STAU2: variants seen among roughly 807,000 people sequenced by gnomAD.
STAU2 encodes staufen double-stranded RNA binding protein 2.
A neutral mutation model predicts 65.9 loss-of-function variants in STAU2; 20 were observed. The observed-to-expected ratio is 0.30, with a 90% CI of 0.21 to 0.44. The LOEUF (loss-of-function observed/expected upper bound fraction) is 0.44. STAU2 is among the 20% of genes least tolerant of loss of function. STAU2 has a pLI of 1.00. For missense variants in STAU2, 558 were observed against 683.9 expected, an observed-to-expected ratio of 0.82 and a Z score of 2.05; for synonymous variants, 232 against 233.9, an observed-to-expected ratio of 0.99 and a Z score of 0.07.
chr8:73,441,796 A>G (rs987604726), intron 13 of STAU2, among the ~76,000 whole-genome samples: 3 of 152,240 alleles, frequency 2.0e-5, no homozygotes, highest in Admixed American at 6.5e-5. Flanking sequence ...TAGCTGCTGA[A>G]TGTTGGCCGT....
At chr8:73,651,880 ATTGTGGAG>A (rs1331019897) in intron 6 of STAU2, among the ~76,000 whole-genome samples, 1 of 152,234 alleles carries the variant, frequency 6.6e-6, no homozygotes, top group Non-Finnish European at 1.5e-5. Context: ...TTCTGTTTAC[ATTGTGGAG>A]GCACCTCTCA....
intron 13 of STAU2, among the ~76,000 whole-genome samples, chr8:73,520,645 G>C (rs1202549580): frequency 1.3e-5 from 2 of 152,170 alleles, no homozygotes; most frequent in Admixed American, 1.3e-4. Flanking sequence ...AGCTGGAGGG[G>C]TTCCTGGTAC....
intron 10 of STAU2, among the ~76,000 whole-genome samples, chr8:73,597,782 G>T (rs1239482224): frequency 6.6e-6 from 1 of 151,218 alleles, no homozygotes; most frequent in African/African-American, 2.4e-5. Flanking sequence ...TTACCAAATT[G>T]CCACAGAATA....
intron 13 of STAU2, among the ~76,000 whole-genome samples, chr8:73,470,248 C>T (rs902752901): frequency 2.6e-5 from 4 of 152,126 alleles, no homozygotes; most frequent in Non-Finnish European, 4.4e-5. Flanking sequence ...AGGCTTCAGT[C>T]GTGTGGCTAT....
chr8:73,527,849 G>T, intron 13 of STAU2: 1 of 1,245,492 alleles, frequency 8.0e-7, no homozygotes, highest in South Asian at 1.4e-5. Context: ...TTTTCAGAGG[G>T]GACAAGATGC....
intron 10 of STAU2, among the ~76,000 whole-genome samples, chr8:73,597,878 A>G (rs1329378191): frequency 3.3e-5 from 5 of 152,188 alleles, no homozygotes; most frequent in Admixed American, 1.3e-4. Context: ...TCTTCTCCAT[A>G]AAGTTCTACT....
intron 13 of STAU2, among the ~76,000 whole-genome samples, chr8:73,425,359 G>A (rs998778438): frequency 6.6e-6 from 1 of 152,186 alleles, no homozygotes; most frequent in Non-Finnish European, 1.5e-5. Context: ...GGTAGGGGCT[G>A]GAGTGATGCC....
chr8:73,724,353 A>C (rs1054495897), intron 3 of STAU2, among the ~76,000 whole-genome samples: 6 of 152,074 alleles, frequency 3.9e-5, no homozygotes, highest in African/African-American at 1.4e-4. Flanking sequence ...ATCTATCTGT[A>C]TCTATTTGAG....
intron 12 of STAU2, among the ~76,000 whole-genome samples, chr8:73,578,233 T>C (rs777871378): frequency 5.9e-5 from 9 of 152,318 alleles, no homozygotes; most frequent in Admixed American, 3.3e-4. Flanking sequence ...CCGGAGAATA[T>C]TGCAGAAAAA....
At chr8:73,456,875 T>C (rs898400547) in intron 13 of STAU2, among the ~76,000 whole-genome samples, 3 of 152,198 alleles carry the variant, frequency 2.0e-5, no homozygotes, top group Non-Finnish European at 4.4e-5. Context: ...AACATTTTAT[T>C]GAGTAGGGAA....
chr8:73,685,963 A>G (rs980493807), intron 5 of STAU2, among the ~76,000 whole-genome samples: 3 of 152,228 alleles, frequency 2.0e-5, no homozygotes, highest in African/African-American at 7.2e-5. Flanking sequence ...ACCATAGAAT[A>G]CTACTCAGCC....
intron 13 of STAU2, among the ~76,000 whole-genome samples, chr8:73,512,706 A>T (rs10102311): frequency 0.39 from 58,959 of 151,878 alleles, 12,304 homozygotes; most frequent in Non-Finnish European, 0.47. Context: ...GGATCACATC[A>T]TCTGGAAATA....
chr8:73,679,476 A>T (rs1380635382), intron 5 of STAU2, among the ~76,000 whole-genome samples: 1 of 152,208 alleles, frequency 6.6e-6, no homozygotes, highest in Non-Finnish European at 1.5e-5. Flanking sequence ...AGAGGGGGAA[A>T]GTCTGCCTCC....
chr8:73,686,561 AAAC>A, intron 5 of STAU2, among the ~76,000 whole-genome samples: 1 of 151,928 alleles, frequency 6.6e-6, no homozygotes, highest in African/African-American at 2.4e-5. Flanking sequence ...AAAAAAAAAA[AAAC>A]AATGGATTTT....
intron 9 of STAU2, among the ~76,000 whole-genome samples, chr8:73,610,757 A>T (rs1162484612): frequency 6.6e-6 from 1 of 152,228 alleles, no homozygotes; most frequent in Non-Finnish European, 1.5e-5. Flanking sequence ...CGTCTTATAG[A>T]GGAGAATTAC....
At chr8:73,637,519 A>AT (rs1814634073) in intron 6 of STAU2, among the ~76,000 whole-genome samples, 1 of 139,760 alleles carries the variant, frequency 7.2e-6, no homozygotes, top group African/African-American at 2.7e-5. Context: ...AAGAAAAAAA[A>AT]GAAAAACTGT....
At chr8:73,566,155 T>C (rs4500072) in intron 12 of STAU2, among the ~76,000 whole-genome samples, 142,155 of 152,256 alleles carry the variant, frequency 0.93, 66,354 homozygotes, top group Middle Eastern at 0.96. Flanking sequence ...AACTTTTCAT[T>C]TCTTTCAGCC....
intron 9 of STAU2, 151 bp downstream of exon 9, chr8:73,613,593 G>T: frequency 1.9e-6 from 1 of 524,366 alleles, no homozygotes; most frequent in Non-Finnish European, 3.2e-6. Context: ...AAATAGAATT[G>T]TCATTAATTT....
At chr8:73,611,842 C>G (rs1447946665) in intron 9 of STAU2, among the ~76,000 whole-genome samples, 1 of 151,972 alleles carries the variant, frequency 6.6e-6, no homozygotes, top group Non-Finnish European at 1.5e-5. Context: ...CCACCACAAC[C>G]GACTAATTTT....
Sources: gnomAD v4.1 joint callset for allele counts (sites outside exome capture counted in the v4.1 genomes callset) on GRCh38, gnomAD v4.1.1 for gene constraint, MANE v1.5 for transcripts, NCBI Gene and HGNC (gene_info 2026-07-23, HGNC 2026-07-21) for gene names.